SCN3B: variants seen among roughly 807,000 people sequenced by gnomAD.
The protein encoded by SCN3B is sodium channel regulatory subunit beta-3.
SCN3B carries 11 observed loss-of-function variants against 25.4 expected under a neutral mutation model. That is an observed-to-expected ratio of 0.43 (90% CI 0.27 to 0.72). The LOEUF is 0.72. Among genes scored for constraint, SCN3B ranks in the 30% least tolerant of loss-of-function variants. SCN3B has a pLI of 0.18. For synonymous variants in SCN3B, 109 were observed against 110.7 expected (o/e 0.99, Z 0.09); for missense variants, 218 against 278.3 (o/e 0.78, Z 1.54).
At chr11:123,653,937 C>A in intron 1 of SCN3B, 111 bp from the exon 2 acceptor site, 1 of 1,028,014 alleles carries the variant, frequency 9.7e-7, no homozygotes, top group Non-Finnish European at 1.5e-6. Flanking sequence ...AAGGAAGGGC[C>A]GAGCACCGGT....
chr11:123,634,644 A>G (rs1254573334), intron 5 of SCN3B, among the ~76,000 whole-genome samples: 1 of 152,212 alleles, frequency 6.6e-6, no homozygotes, highest in African/African-American at 2.4e-5. Context: ...TGGGAGGCTG[A>G]GGTGGGAGGA....
intron 4 of SCN3B, chr11:123,639,284 AG>A: frequency 6.6e-6 from 1 of 152,312 alleles, no homozygotes; most frequent in Non-Finnish European, 1.5e-5. Flanking sequence ...GCAGTCTCGC[AG>A]TAGTTCTAGA....
At chr11:123,636,213 A>AT (rs1249030244) in intron 5 of SCN3B, among the ~76,000 whole-genome samples, 4 of 152,202 alleles carry the variant, frequency 2.6e-5, no homozygotes, top group African/African-American at 7.2e-5. Context: ...AAATATTTAA[A>AT]TTTGTTACTA....
At chr11:123,638,892 G>A (rs1360731556) in intron 4 of SCN3B, 3 of 180,362 alleles carry the variant, frequency 1.7e-5, no homozygotes, top group Admixed American at 5.4e-5. Context: ...TGAGATATGC[G>A]CATGTTCTCT....
chr11:123,637,413 G>T (rs1299628960), intron 5 of SCN3B, among the ~76,000 whole-genome samples: 1 of 152,210 alleles, frequency 6.6e-6, no homozygotes, highest in Non-Finnish European at 1.5e-5. Context: ...AGAGACCTGG[G>T]TTCAAATCTC....
intron 3 of SCN3B, among the ~76,000 whole-genome samples, chr11:123,643,174 C>G (rs1955811267): frequency 6.6e-6 from 1 of 152,192 alleles, no homozygotes; most frequent in Admixed American, 6.5e-5. Flanking sequence ...GGCTTTAAAA[C>G]TGGACTCTCT....
chr11:123,632,324 A>G lies in SCN3B; in HGVS notation c.*1475T>C, dbSNP rs1220239123. 1 of 152,196 alleles carries G rather than the reference A, an allele frequency of 6.6e-6. No homozygotes were observed. Among genetic ancestry groups the G allele is most frequent in the East Asian group, 1.9e-4 (1 of 5,198 alleles). 9.4% of individuals were successfully genotyped at this position (152,196 alleles called of 1,614,324 possible). On this transcript the variant is annotated 3_prime_UTR_variant, in exon 7 of 7. Transcript: ENST00000299333. ...GCACTCTCCTTTTGGAGGATATTTCAGAGTCACAGATCTTTACATAAAGGA... is the reference window on the plus strand; with the variant it reads ...GCACTCTCCTTTTGGAGGATATTTCGGAGTCACAGATCTTTACATAAAGGA...
intron 2 of SCN3B, among the ~76,000 whole-genome samples, chr11:123,648,082 G>C (rs988795815): frequency 2.0e-5 from 3 of 152,226 alleles, no homozygotes; most frequent in African/African-American, 7.2e-5. Flanking sequence ...AGTGGGCAGA[G>C]GGGTAGAGCG....
At chr11:123,651,694 C>T (rs1224594395) in intron 2 of SCN3B, among the ~76,000 whole-genome samples, 1 of 152,164 alleles carries the variant, frequency 6.6e-6, no homozygotes, top group Non-Finnish European at 1.5e-5. Flanking sequence ...CAGTTAACAA[C>T]CAAGTGTCCT....
At chr11:123,653,121 T>C (rs1031089775) in intron 2 of SCN3B, among the ~76,000 whole-genome samples, 8 of 150,532 alleles carry the variant, frequency 5.3e-5, no homozygotes, top group African/African-American at 2.0e-4. Context: ...GCATCTTAGT[T>C]CCACAGGTTC....
chr11:123,637,608 A>G (rs1174791632), intron 5 of SCN3B, among the ~76,000 whole-genome samples: 1 of 152,144 alleles, frequency 6.6e-6, no homozygotes, highest in Non-Finnish European at 1.5e-5. Flanking sequence ...AGCTCACTGC[A>G]ACCTCCGCCT....
intron 2 of SCN3B, among the ~76,000 whole-genome samples, chr11:123,650,870 G>A (rs1016182161): frequency 7.9e-5 from 12 of 152,090 alleles, no homozygotes; most frequent in Admixed American, 5.9e-4. Flanking sequence ...AACAAGCAAT[G>A]TATTGAAAAT....
chr11:123,645,064 G>A (rs190127450), intron 3 of SCN3B, among the ~76,000 whole-genome samples: 4 of 151,938 alleles, frequency 2.6e-5, no homozygotes, highest in East Asian at 3.9e-4. Context: ...AAGTATCCAC[G>A]AGAGAACTGT....
chr11:123,641,799 G>C (rs73031614), intron 4 of SCN3B, among the ~76,000 whole-genome samples: 15 of 152,164 alleles, frequency 9.9e-5, no homozygotes, highest in Non-Finnish European at 1.8e-4. Flanking sequence ...AGATGGGGAA[G>C]AGGTTGCACG....
intron 2 of SCN3B, among the ~76,000 whole-genome samples, chr11:123,652,766 C>T (rs1955941558): frequency 6.6e-6 from 1 of 152,260 alleles, no homozygotes; most frequent in Middle Eastern, 3.4e-3. Flanking sequence ...AACTACCACC[C>T]CCACCCCTGC....
intron 3 of SCN3B, among the ~76,000 whole-genome samples, chr11:123,645,344 G>C (rs1205267940): frequency 6.6e-6 from 1 of 152,162 alleles, no homozygotes; most frequent in Admixed American, 6.5e-5. Flanking sequence ...TTTAAATATA[G>C]CATATCTCTT....
chr11:123,651,141 T>A (rs1363300904), intron 2 of SCN3B, among the ~76,000 whole-genome samples: 5 of 151,656 alleles, frequency 3.3e-5, no homozygotes, highest in African/African-American at 9.7e-5. Context: ...TATTATTTTT[T>A]AAATCTCTTT....
At position 123,654,341 on chromosome 11, in the gene SCN3B, C is replaced by T. The variant is rs1196448186; in HGVS notation, c.-141G>A. The stretch of plus-strand genomic sequence containing the variant: ...GGGCGTGACCCCACTCCCGAAGCCG[C>T]CGGGGCCGCCCGTCTGGGCTACAGA... On this transcript the variant is annotated 5_prime_UTR_variant, in exon 1 of 7. Coordinates refer to ENST00000299333, the MANE Select transcript of SCN3B (RefSeq NM_001040151.2). 1.2e-5 allele frequency: 2 copies of T among 162,330 alleles called. No individual in the cohort carries two copies. Among genetic ancestry groups the T allele is most frequent in the Non-Finnish European group, 2.7e-5 (2 of 73,366 alleles). 10.1% of individuals were successfully genotyped at this position (162,330 alleles called of 1,614,324 possible). A position where few individuals can be genotyped will look rare whatever the true frequency, so the allele number is the denominator to read the frequency against.
At position 123,654,532 on chromosome 11, in the gene SCN3B, G is replaced by C. The variant is rs1418530738; in HGVS notation, c.-332C>G. 1 of 153,130 alleles carries C rather than the reference G, an allele frequency of 6.5e-6. No individual in the cohort carries two copies. The highest frequency in any genetic ancestry group is 1.5e-5 in the Non-Finnish European group (1 of 68,744). 9.5% of individuals were successfully genotyped at this position (153,130 alleles called of 1,614,324 possible). ...GGGAGCTCGCCCCCGGATGGTGCGG[G>C]GCCCCGACCCTGGGTGGCAGGTGAT... On this transcript the variant is annotated 5_prime_UTR_variant, in exon 1 of 7. Transcript: ENST00000299333.
Sources: allele counts gnomAD v4.1 joint callset (sites outside exome capture counted in the v4.1 genomes callset), GRCh38; gene constraint gnomAD v4.1.1; transcripts MANE v1.5; gene names NCBI Gene and HGNC (gene_info 2026-07-23, HGNC 2026-07-21).